The following ASPRV1 variants were observed in gnomAD, a reference collection of about 807,000 sequenced individuals.
The protein encoded by ASPRV1 is retroviral-like aspartic protease 1.
Under a neutral mutation model 11.0 loss-of-function variants are expected in ASPRV1, and 7 were observed. The ratio of observed to expected loss-of-function variants is 0.64; its 90% confidence interval spans 0.36 to 1.20. The LOEUF is 1.20. ASPRV1 is among the 50% of genes most tolerant of loss of function. The pLI is 0.02. For synonymous variants in ASPRV1, 136 were observed against 138.4 expected, an observed-to-expected ratio of 0.98 and a Z score of 0.12; for missense variants, 299 against 320.0, an observed-to-expected ratio of 0.93 and a Z score of 0.50.
At chr2:70,031,078 G>A in the ASPRV1 span, 2 of 152,116 alleles carry the variant, frequency 1.3e-5, no homozygotes, top group Non-Finnish European at 2.9e-5. Flanking sequence ...AGGGTTCCTA[G>A]ATTATCCTTA....
At chr2:69,937,614 G>GGTTGT in the ASPRV1 span, among the ~76,000 whole-genome samples, 1 of 152,148 alleles carries the variant, frequency 6.6e-6, no homozygotes, top group Admixed American at 6.5e-5. Flanking sequence ...TTTCAGCCTA[G>GGTTGT]TTTGTTTTGT....
At chr2:70,020,599 C>T in the ASPRV1 span, among the ~76,000 whole-genome samples, 5 of 151,970 alleles carry the variant, frequency 3.3e-5, no homozygotes, top group East Asian at 1.9e-4. Flanking sequence ...AAAAATTAGC[C>T]GGTGTGGTGG....
chr2:69,962,754 T>C (rs910340287), upstream of ASPRV1: 1 of 164,658 alleles, frequency 6.1e-6, no homozygotes, highest in Non-Finnish European at 1.3e-5. Flanking sequence ...CACCCACTCC[T>C]CGTTGAGCGT....
At chr2:70,007,117 T>C in the ASPRV1 span, among the ~76,000 whole-genome samples, 1 of 152,248 alleles carries the variant, frequency 6.6e-6, no homozygotes, top group Non-Finnish European at 1.5e-5. Flanking sequence ...GGTCAATAAA[T>C]GCTAGCTAAA....
At chr2:70,030,775 A>G in the ASPRV1 span, 2 of 151,844 alleles carry the variant, frequency 1.3e-5, no homozygotes, top group African/African-American at 4.8e-5. Flanking sequence ...GACAGGGACT[A>G]CTCTCCCTGA....
chr2:69,960,634 G>A lies in ASPRV1; in HGVS notation c.*23C>T. The stretch of plus-strand genomic sequence containing the variant: ...GGTGGGTCTTCCCACCAATATTTAG[G>A]AGGTTAAAGAAAAGGTGGCTTCTCA... On this transcript the variant is annotated 3_prime_UTR_variant, in exon 1 of 1. Transcript: ENST00000320256. 1 of 1,592,684 alleles carries A rather than the reference G, an allele frequency of 6.3e-7. No homozygotes were observed. Among genetic ancestry groups the A allele is most frequent in the Middle Eastern group, 1.7e-4 (1 of 5,952 alleles).
the ASPRV1 span, among the ~76,000 whole-genome samples, chr2:70,012,376 A>G: frequency 6.6e-6 from 1 of 151,948 alleles, no homozygotes; most frequent in African/African-American, 2.4e-5. Flanking sequence ...GAATGGTCTC[A>G]ATCTCCCAAC....
At chr2:70,074,133 CAAAAAAA>C in the ASPRV1 span, among the ~76,000 whole-genome samples, 3 of 7,816 alleles carry the variant, frequency 3.8e-4, no homozygotes, top group African/African-American at 1.0e-3. Flanking sequence ...AACTTCATCT[CAAAAAAA>C]AAAAAAAAAA....
At chr2:69,987,175 G>A in the ASPRV1 span, among the ~76,000 whole-genome samples, 3 of 152,142 alleles carry the variant, frequency 2.0e-5, no homozygotes, top group Non-Finnish European at 4.4e-5. Flanking sequence ...TTGGGAGGAG[G>A]AGTTCTGAAA....
At chr2:70,000,336 CCA>C in the ASPRV1 span, among the ~76,000 whole-genome samples, 882 of 126,236 alleles carry the variant, frequency 7.0e-3, 8 homozygotes, top group Middle Eastern at 0.027. Context: ...AAAAAAAAAA[CCA>C]CACACACACA....
At chr2:69,945,652 G>A in the ASPRV1 span, among the ~76,000 whole-genome samples, 56 of 152,358 alleles carry the variant, frequency 3.7e-4, no homozygotes, top group East Asian at 9.6e-3. Context: ...GAGCCTCCCC[G>A]GCTGTGGGTG....
the ASPRV1 span, among the ~76,000 whole-genome samples, chr2:69,947,697 C>T: frequency 6.6e-6 from 1 of 152,090 alleles, no homozygotes; most frequent in African/African-American, 2.4e-5. Context: ...GTTGACTAAG[C>T]AGGAGTGAGG....
chr2:69,961,095 G>C lies in ASPRV1; in HGVS notation c.342C>G (p.Leu114=), dbSNP rs754850728. Residue 114 remains leucine, a synonymous_variant, in exon 1 of 1, where the codon CTC becomes CTG. Coordinates refer to ENST00000320256, the MANE Select transcript of ASPRV1 (RefSeq NM_152792.4). ...CGGGCACTTTGCCAATCTTCCCCTT[G>C]AGATAGTAGCCCTTACCCATGCTGT... ...FANSMGKGYY[L]KGKIGKVPVR... The C allele has an allele frequency of 6.2e-7, 1 of 1,613,890 alleles. No homozygotes were observed. The highest frequency in any genetic ancestry group is 8.5e-7 in the Non-Finnish European group (1 of 1,179,902).
the ASPRV1 span, among the ~76,000 whole-genome samples, chr2:70,010,781 G>T: frequency 6.6e-6 from 1 of 152,072 alleles, no homozygotes; most frequent in Non-Finnish European, 1.5e-5. Flanking sequence ...AAACTTCTAG[G>T]GGTTCCCAAG....
chr2:69,951,501 TTA>T, the ASPRV1 span, among the ~76,000 whole-genome samples: 1,640 of 144,246 alleles, frequency 0.011, 32 homozygotes, highest in African/African-American at 0.041. Flanking sequence ...ATATGTATAT[TTA>T]TATATATAGA....
chr2:70,037,594 G>A, the ASPRV1 span, among the ~76,000 whole-genome samples: 1 of 152,034 alleles, frequency 6.6e-6, no homozygotes, highest in Non-Finnish European at 1.5e-5. Flanking sequence ...AGTCACATTT[G>A]AATTTATTCT....
At chr2:69,935,303 T>C in the ASPRV1 span, 2 of 1,384,336 alleles carry the variant, frequency 1.4e-6, no homozygotes, top group African/African-American at 2.9e-5. Context: ...GGGGTGCTTC[T>C]GGCCCACTGT....
At chr2:70,031,004 G>A in the ASPRV1 span, 1 of 152,128 alleles carries the variant, frequency 6.6e-6, no homozygotes, top group African/African-American at 2.4e-5. Context: ...TGATAATGAA[G>A]GCTTATGAGG....
the ASPRV1 span, among the ~76,000 whole-genome samples, chr2:70,001,545 G>A: frequency 6.6e-6 from 1 of 151,872 alleles, no homozygotes; most frequent in East Asian, 1.9e-4. Context: ...GTCATCTGAG[G>A]TCAGGAGTTC....
Sources: allele counts gnomAD v4.1 joint callset (sites outside exome capture counted in the v4.1 genomes callset), GRCh38; gene constraint gnomAD v4.1.1; transcripts MANE v1.5; gene names NCBI Gene and HGNC (gene_info 2026-07-23, HGNC 2026-07-21).